Variants in CACNA1E observed in about 807,000 individuals in gnomAD.
CACNA1E encodes voltage-dependent R-type calcium channel subunit alpha-1E.
Under a neutral mutation model 259.2 loss-of-function variants are expected in CACNA1E, and 40 were observed. The observed-to-expected ratio is 0.15, with a 90% CI of 0.12 to 0.20. The LOEUF is 0.20. CACNA1E is among the 10% of genes least tolerant of loss of function. The pLI, the probability that CACNA1E is intolerant of heterozygous loss-of-function variation, is 1.00. For synonymous variants in CACNA1E, 1,104 were observed against 1,138.5 expected (o/e 0.97, Z 0.61); for missense variants, 1,874 against 3,040.1 (o/e 0.62, Z 9.02).
chr1:181,371,019 A>C (rs1654669287), intron 1 of CACNA1E, among the ~76,000 whole-genome samples: 1 of 152,134 alleles, frequency 6.6e-6, no homozygotes, highest in Non-Finnish European at 1.5e-5. Flanking sequence ...TTCTCTAATG[A>C]CTAGTGATGT....
At chr1:181,380,926 G>T (rs1007335070) in intron 1 of CACNA1E, among the ~76,000 whole-genome samples, 2 of 152,224 alleles carry the variant, frequency 1.3e-5, no homozygotes, top group Non-Finnish European at 2.9e-5. Context: ...GCAGCACTTT[G>T]AGAGGCCAAG....
Position 181,731,244 on chromosome 1 carries a change from C to T in CACNA1E, c.2297+13C>T, listed in dbSNP as rs1481484395. ...GCAGCAGCCACCTGTATGTGTGTAC[C>T]AGTTTGCGTGTTTGTGAGTGGTTAC... is the stretch of plus-strand genomic sequence containing the variant. On this transcript the variant is annotated intron_variant, in intron 19 of 47. Transcript: ENST00000367573. 6.2e-7 allele frequency: 1 copy of T among 1,609,980 alleles called. No homozygotes were observed. Among genetic ancestry groups the T allele is most frequent in the Non-Finnish European group, 8.5e-7 (1 of 1,176,494 alleles).
chr1:181,399,775 TAGA>T (rs771400936), intron 1 of CACNA1E, among the ~76,000 whole-genome samples: 2 of 152,232 alleles, frequency 1.3e-5, no homozygotes, highest in African/African-American at 2.4e-5. Flanking sequence ...TGTGACTTGT[TAGA>T]TGTTTCCCAC....
intron 6 of CACNA1E, among the ~76,000 whole-genome samples, chr1:181,640,192 T>G (rs1657620329): frequency 1.3e-5 from 2 of 152,324 alleles, no homozygotes; most frequent in African/African-American, 4.8e-5. Context: ...GGAAGATATT[T>G]TGTGCACATC....
At chr1:181,759,840 C>T (rs753723915) in intron 32 of CACNA1E, among the ~76,000 whole-genome samples, 3 of 152,100 alleles carry the variant, frequency 2.0e-5, no homozygotes, top group Non-Finnish European at 4.4e-5. Flanking sequence ...GGGCTGGGTT[C>T]GATAATTGTG....
At chr1:181,392,707 T>C (rs533032128) in intron 1 of CACNA1E, among the ~76,000 whole-genome samples, 1 of 152,012 alleles carries the variant, frequency 6.6e-6, no homozygotes, top group Non-Finnish European at 1.5e-5. Context: ...CCCAAAAGGG[T>C]GCTTTAGAAA....
rs758639794 is a variant in CACNA1E, at chr1:181,567,917, T to A, written c.513-9849T>A. Among the ~76,000 whole-genome samples, 135 of 152,214 alleles carry A rather than the reference T, an allele frequency of 8.9e-4. 1 individual carries two copies. The highest frequency in any genetic ancestry group is 6.8e-3 in the Middle Eastern group (2 of 294). On this transcript the variant is annotated intron_variant, in intron 3 of 47. Coordinates refer to ENST00000367573, the MANE Select transcript of CACNA1E (RefSeq NM_001205293.3). Reference sequence around the variant, plus strand: ...ATAAAGAGTACTGTTTTATGAAACATTATGTAATTTTATGTATGTGTGTAT... The same window carrying A: ...ATAAAGAGTACTGTTTTATGAAACAATATGTAATTTTATGTATGTGTGTAT...
At chr1:181,480,107 G>A (rs552885709), upstream of CACNA1E, among the ~76,000 whole-genome samples, 115 of 152,176 alleles carry the variant, frequency 7.6e-4, no homozygotes, top group African/African-American at 2.6e-3. Context: ...TGAGACCGTC[G>A]TCTCTATAAA....
In CACNA1E at chr1:181,321,577, C is replaced by A. The variant is rs375493148; in HGVS notation, c.-15+3454C>A. ...TAGTTCTGTAGACTAGTAGGGGAAC[C>A]AGACCATCACTAGTTGATAGTGTGT... is the stretch of plus-strand genomic sequence containing the variant. On this transcript the variant is annotated intron_variant, in intron 1 of 11. Transcript: ENST00000524607. Among the ~76,000 whole-genome samples, 14 of 152,310 alleles carry A rather than the reference C, an allele frequency of 9.2e-5. No homozygotes were observed. The South Asian group carries it at 2.1e-3, about 23-fold the overall frequency.
intron 32 of CACNA1E, among the ~76,000 whole-genome samples, chr1:181,760,600 G>T (rs969618343): frequency 6.6e-6 from 1 of 152,172 alleles, no homozygotes; most frequent in African/African-American, 2.4e-5. Context: ...AACAACAATT[G>T]GTTGGCTATT....
At chr1:181,322,632 A>C (rs966028880) in intron 1 of CACNA1E, among the ~76,000 whole-genome samples, 1 of 152,182 alleles carries the variant, frequency 6.6e-6, no homozygotes, top group East Asian at 1.9e-4. Context: ...TCTGCAATAC[A>C]TGCATGGACT....
At chr1:181,320,353 C>T (rs574935687) in intron 1 of CACNA1E, among the ~76,000 whole-genome samples, 2 of 152,142 alleles carry the variant, frequency 1.3e-5, no homozygotes, top group African/African-American at 2.4e-5. Flanking sequence ...AGGACTCTTA[C>T]GGATGTGTCA....
At chr1:181,477,544 T>C (rs1662942380) in intron 2 of CACNA1E, among the ~76,000 whole-genome samples, 1 of 152,228 alleles carries the variant, frequency 6.6e-6, no homozygotes, top group Non-Finnish European at 1.5e-5. Flanking sequence ...CTCTCAGGTA[T>C]CATGGCCTTT....
At chr1:181,712,129 C>T (rs1653433120) in intron 8 of CACNA1E, among the ~76,000 whole-genome samples, 1 of 152,134 alleles carries the variant, frequency 6.6e-6, no homozygotes, top group African/African-American at 2.4e-5. Context: ...CCAAACCTAT[C>T]ATGATTTCAT....
chr1:181,468,737 G>T (rs1436732631), intron 2 of CACNA1E, among the ~76,000 whole-genome samples: 1 of 152,166 alleles, frequency 6.6e-6, no homozygotes. Flanking sequence ...TAGCATATGG[G>T]CTGGGCTTTT....
At chr1:181,657,403 A>C (rs1158654521) in intron 7 of CACNA1E, among the ~76,000 whole-genome samples, 1 of 152,180 alleles carries the variant, frequency 6.6e-6, no homozygotes, top group Non-Finnish European at 1.5e-5. Context: ...AATATTTAGA[A>C]ATTTGGAAAT....
intron 36 of CACNA1E, chr1:181,771,588 A>G: frequency 1.8e-6 from 1 of 554,076 alleles, no homozygotes; most frequent in Non-Finnish European, 3.2e-6. Flanking sequence ...ACCACCATGA[A>G]TGTGCCTGAT....
At chr1:181,721,905 C>A in intron 16 of CACNA1E, 30 bp downstream of exon 16, 2 of 1,373,188 alleles carry the variant, frequency 1.5e-6, no homozygotes, top group Non-Finnish European at 2.1e-6. Context: ...CCTCCTCAAG[C>A]TGCCTGCCTT....
chr1:181,388,338 T>A (rs1656004169), intron 1 of CACNA1E, among the ~76,000 whole-genome samples: 1 of 152,218 alleles, frequency 6.6e-6, no homozygotes, highest in Non-Finnish European at 1.5e-5. Context: ...AATACAGTCA[T>A]GTGTCAGTTA....
Sources: gnomAD v4.1 joint callset for allele counts (sites outside exome capture counted in the v4.1 genomes callset) on GRCh38, gnomAD v4.1.1 for gene constraint, MANE v1.5 for transcripts, NCBI Gene and HGNC (gene_info 2026-07-23, HGNC 2026-07-21) for gene names.